TMPRSS11D: variants seen among roughly 807,000 people sequenced by gnomAD.
TMPRSS11D encodes transmembrane protease serine 11D.
A neutral mutation model predicts 44.4 loss-of-function variants in TMPRSS11D; 32 were observed. The ratio of observed to expected loss-of-function variants is 0.72; its 90% CI spans 0.54 to 0.97. TMPRSS11D has a LOEUF of 0.97. Ranked by LOEUF, TMPRSS11D falls within the 50% of genes least tolerant of loss-of-function variation. The pLI, the probability that TMPRSS11D is intolerant of heterozygous loss-of-function variation, is 0.00. For synonymous variants in TMPRSS11D, 179 were observed against 177.9 expected (o/e 1.01, Z -0.05); for missense variants, 446 against 502.6 (o/e 0.89, Z 1.08).
intron 3 of TMPRSS11D, among the ~76,000 whole-genome samples, chr4:67,847,025 C>T (rs1357847821): frequency 3.9e-5 from 6 of 152,028 alleles, no homozygotes; most frequent in Non-Finnish European, 7.4e-5. Flanking sequence ...CTGCCTCTGC[C>T]TCTTGAGTAG....
At chr4:67,875,549 T>C (rs1345429577) in intron 1 of TMPRSS11D, among the ~76,000 whole-genome samples, 2 of 152,202 alleles carry the variant, frequency 1.3e-5, no homozygotes, top group East Asian at 3.8e-4. Flanking sequence ...TTATTACCTG[T>C]CTCCCCATCC....
chr4:67,844,641 T>C (rs1035402359), intron 3 of TMPRSS11D, among the ~76,000 whole-genome samples: 3 of 151,386 alleles, frequency 2.0e-5, no homozygotes, highest in Non-Finnish European at 2.9e-5. Flanking sequence ...TAGCCAGGTG[T>C]GGTGGCAGGC....
intron 9 of TMPRSS11D, 79 bp from the exon 10 acceptor site, chr4:67,822,577 C>T (rs756716617): frequency 7.5e-6 from 11 of 1,470,646 alleles, no homozygotes; most frequent in Admixed American, 7.1e-5. Flanking sequence ...CTATGGCAGT[C>T]GAGGAAGGAG....
intron 3 of TMPRSS11D, among the ~76,000 whole-genome samples, chr4:67,852,245 GTAGT>G (rs1275979919): frequency 6.6e-6 from 1 of 152,126 alleles, no homozygotes; most frequent in Non-Finnish European, 1.5e-5. Flanking sequence ...ACTCTAAAAC[GTAGT>G]TAGAGTTGGA....
At chr4:67,877,494 G>A (rs990083800) in intron 1 of TMPRSS11D, among the ~76,000 whole-genome samples, 3 of 152,172 alleles carry the variant, frequency 2.0e-5, no homozygotes, top group Admixed American at 1.3e-4. Flanking sequence ...TGATCTGTAC[G>A]TGATTTTCAG....
chr4:67,823,955 A>G (rs1717717669), intron 9 of TMPRSS11D, among the ~76,000 whole-genome samples: 1 of 152,104 alleles, frequency 6.6e-6, no homozygotes, highest in Admixed American at 6.6e-5. Context: ...CAGACATTTG[A>G]ATTTGTGTCC....
chr4:67,877,345 T>A (rs951784767), intron 1 of TMPRSS11D, among the ~76,000 whole-genome samples: 2 of 152,126 alleles, frequency 1.3e-5, no homozygotes, highest in Admixed American at 6.5e-5. Flanking sequence ...CTTGGAAAAG[T>A]GCAAATTCCT....
chr4:67,847,187 A>G (rs1718380732), intron 3 of TMPRSS11D, among the ~76,000 whole-genome samples: 1 of 152,208 alleles, frequency 6.6e-6, no homozygotes, highest in Non-Finnish European at 1.5e-5. Flanking sequence ...TACAGGCCTG[A>G]GCCACTGCAT....
chr4:67,859,519 C>A, intron 2 of TMPRSS11D, 38 bp downstream of exon 2: 1 of 1,596,000 alleles, frequency 6.3e-7, no homozygotes, highest in South Asian at 1.1e-5. Flanking sequence ...TTGTATGTAG[C>A]TATTAAATCT....
In TMPRSS11D at chr4:67,854,167, A is replaced by G. The variant is rs1364076104; in HGVS notation, c.150T>C (p.Tyr50=). The G allele has an allele frequency of 1.9e-6, 3 of 1,561,440 alleles. No homozygotes were observed. The highest frequency in any genetic ancestry group is 2.6e-6 in the Non-Finnish European group (3 of 1,147,224). Residue 50 remains tyrosine, a synonymous_variant, in exon 3 of 10, where the codon TAT becomes TAC. Coordinates refer to ENST00000283916, the MANE Select transcript of TMPRSS11D (RefSeq NM_004262.3). ...FLAFDQKSYF[Y]RSSFQLLNVE... ...CATTTAGGAGTTGAAAACTGCTCCT[A>G]TAAAAGTAAGATTTTTGATCTGAAA...
intron 2 of TMPRSS11D, among the ~76,000 whole-genome samples, chr4:67,858,621 A>G (rs927142488): frequency 1.3e-5 from 2 of 152,166 alleles, no homozygotes; most frequent in Admixed American, 6.6e-5. Context: ...ACAATTGGAC[A>G]TACTATAAGT....
chr4:67,880,767 G>A (rs911915200), intron 1 of TMPRSS11D, among the ~76,000 whole-genome samples: 8 of 151,862 alleles, frequency 5.3e-5, no homozygotes, highest in Admixed American at 2.0e-4. Flanking sequence ...GGGAATACAG[G>A]GAATACTTGT....
intron 1 of TMPRSS11D, among the ~76,000 whole-genome samples, chr4:67,874,100 A>G (rs530840199): frequency 7.9e-5 from 12 of 152,134 alleles, no homozygotes; most frequent in Non-Finnish European, 1.3e-4. Flanking sequence ...TTGTGTTACA[A>G]TTGCCTACAG....
At chr4:67,857,291 ATATATATATATATAT>A (rs1308771800) in intron 2 of TMPRSS11D, among the ~76,000 whole-genome samples, 9 of 5,478 alleles carry the variant, frequency 1.6e-3, no homozygotes, top group Middle Eastern at 0.045. Context: ...ATATATATAT[ATATATATATATATAT>A]ATATATATAT....
rs542073080 is a variant in TMPRSS11D, at chr4:67,883,977, G to A, written c.-44C>T. 3 of 1,580,066 alleles carry A rather than the reference G, an allele frequency of 1.9e-6. No homozygotes were observed. The Admixed American group carries it at 5.3e-5, about 28-fold the overall frequency. ...GGTTCTTTTTTCTGCCTACTCAACT[G>A]CTTTGAGATTCCCACTCAAATGAAT... is the stretch of plus-strand genomic sequence containing the variant. On this transcript the variant is annotated 5_prime_UTR_variant, in exon 1 of 10. Coordinates refer to ENST00000283916, the MANE Select transcript of TMPRSS11D (RefSeq NM_004262.3).
intron 4 of TMPRSS11D, among the ~76,000 whole-genome samples, chr4:67,840,374 A>G (rs1718204533): frequency 6.6e-6 from 1 of 152,052 alleles, no homozygotes; most frequent in African/African-American, 2.4e-5. Context: ...CCCTCCCACA[A>G]CATGTGGGTA....
intron 1 of TMPRSS11D, among the ~76,000 whole-genome samples, chr4:67,863,157 T>G (rs1443257738): frequency 6.6e-6 from 1 of 151,140 alleles, no homozygotes; most frequent in East Asian, 1.9e-4. Flanking sequence ...ACCATGACCT[T>G]GGGCAACTAC....
intron 1 of TMPRSS11D, among the ~76,000 whole-genome samples, chr4:67,868,210 A>C (rs1560548684): frequency 6.6e-6 from 1 of 152,122 alleles, no homozygotes; most frequent in Admixed American, 6.5e-5. Flanking sequence ...AGAAACAAAA[A>C]GTCAAATATT....
chr4:67,839,889 G>T (rs1718189117), intron 4 of TMPRSS11D, among the ~76,000 whole-genome samples: 1 of 150,960 alleles, frequency 6.6e-6, no homozygotes, highest in Admixed American at 6.6e-5. Flanking sequence ...GTGCAGGTTT[G>T]TTACATATGT....
Sources: gnomAD v4.1 joint callset for allele counts (sites outside exome capture counted in the v4.1 genomes callset) on GRCh38, gnomAD v4.1.1 for gene constraint, MANE v1.5 for transcripts, NCBI Gene and HGNC (gene_info 2026-07-23, HGNC 2026-07-21) for gene names.